The following PCNX2 variants were observed in gnomAD, a reference collection of about 807,000 sequenced individuals.
PCNX2 encodes pecanex-like protein 2.
Under a neutral mutation model 223.8 loss-of-function variants are expected in PCNX2, and 168 were observed. The observed-to-expected ratio is 0.75, with a 90% CI of 0.66 to 0.85. The LOEUF (loss-of-function observed/expected upper bound fraction) is 0.85. Ranked by LOEUF, PCNX2 falls within the 40% of genes least tolerant of loss-of-function variation. The probability of loss-of-function intolerance (pLI) is 0.00; values close to 1 mark genes in which losing one functional copy is unlikely to be tolerated. For missense variants in PCNX2, 2,507 were observed against 2,675.5 expected (o/e 0.94, Z 1.39); for synonymous variants, 1,006 against 1,052.6 (o/e 0.96, Z 0.86).
intron 21 of PCNX2, among the ~76,000 whole-genome samples, chr1:233,099,424 C>G (rs1410382849): frequency 6.6e-6 from 1 of 152,124 alleles, no homozygotes; most frequent in African/African-American, 2.4e-5. Flanking sequence ...ACATCCTTTT[C>G]AGTAAAAAAA....
intron 1 of PCNX2, among the ~76,000 whole-genome samples, chr1:233,263,421 G>A (rs1660163735): frequency 6.7e-6 from 1 of 149,610 alleles, no homozygotes; most frequent in Admixed American, 6.7e-5. Context: ...GAACCCCACA[G>A]AACAAAAGAT....
At chr1:233,303,410 T>C in the PCNX2 span, among the ~76,000 whole-genome samples, 1 of 151,996 alleles carries the variant, frequency 6.6e-6, no homozygotes, top group Admixed American at 6.6e-5. Flanking sequence ...AGCTGCCTGG[T>C]GGGCTGAGGA....
At chr1:233,230,148 G>A (rs1057284947) in intron 9 of PCNX2, among the ~76,000 whole-genome samples, 1 of 152,274 alleles carries the variant, frequency 6.6e-6, no homozygotes, top group South Asian at 2.1e-4. Context: ...CTGGGAATAG[G>A]CAAGCAAACC....
chr1:233,164,791 T>A (rs1178697102), intron 17 of PCNX2, among the ~76,000 whole-genome samples: 2 of 151,796 alleles, frequency 1.3e-5, no homozygotes, highest in Non-Finnish European at 2.9e-5. Context: ...GAAAGACAAA[T>A]ACCACTGAGT....
At chr1:233,257,384 T>C (rs1376233052) in intron 5 of PCNX2, among the ~76,000 whole-genome samples, 2 of 152,200 alleles carry the variant, frequency 1.3e-5, no homozygotes, top group Admixed American at 1.3e-4. Flanking sequence ...AACTGTATAA[T>C]TTATCATCTA....
chr1:233,117,738 C>T (rs1416605178), intron 21 of PCNX2, among the ~76,000 whole-genome samples: 1 of 151,630 alleles, frequency 6.6e-6, no homozygotes, highest in East Asian at 1.9e-4. Flanking sequence ...AGGCCAGGCG[C>T]GGTGGCTCAC....
intron 2 of PCNX2, 102 bp downstream of exon 2, chr1:233,262,852 TTCTG>T: frequency 2.0e-6 from 2 of 1,006,904 alleles, no homozygotes; most frequent in Non-Finnish European, 2.9e-6. Context: ...ATGCATATAT[TTCTG>T]TCTGCCTATA....
Position 233,025,263 on chromosome 1 carries a change from G to A in PCNX2, c.4488C>T (p.Thr1496=). 1 of 1,614,048 alleles carries A rather than the reference G, an allele frequency of 6.2e-7. No individual in the cohort carries two copies. Among genetic ancestry groups the A allele is most frequent in the Non-Finnish European group, 8.5e-7 (1 of 1,179,898 alleles). Residue 1496 remains threonine (T), a synonymous_variant, in exon 26 of 34, where the codon ACC becomes ACT. Coordinates refer to ENST00000258229, the MANE Select transcript of PCNX2 (RefSeq NM_014801.4). The part of the protein sequence containing the change: ...CNAAFHLRWL[T]WEITQTQYIL... ...TGTACTGGGTCTGCGTGATTTCCCA[G>A]GTGAGCCAGCGGAGGTGAAAGGCAG...
At chr1:233,310,837 A>G in the PCNX2 span, among the ~76,000 whole-genome samples, 3 of 152,160 alleles carry the variant, frequency 2.0e-5, no homozygotes, top group Non-Finnish European at 1.5e-5. Flanking sequence ...TGGTGTGTGC[A>G]GGTCACATGG....
At chr1:233,246,685 A>G (rs73111120) in intron 8 of PCNX2, among the ~76,000 whole-genome samples, 9,478 of 152,186 alleles carry the variant, frequency 0.062, 876 homozygotes, top group African/African-American at 0.2. Context: ...GGTAAGGTAC[A>G]AGCTACTTGG....
chr1:233,194,085 A>G (rs1215351660), intron 15 of PCNX2, among the ~76,000 whole-genome samples: 1 of 151,998 alleles, frequency 6.6e-6, no homozygotes, highest in Non-Finnish European at 1.5e-5. Context: ...AAAAAACGCC[A>G]TACACTTAGT....
intron 25 of PCNX2, among the ~76,000 whole-genome samples, chr1:233,046,300 G>C (rs1208289807): frequency 1.3e-5 from 2 of 152,076 alleles, no homozygotes; most frequent in Non-Finnish European, 2.9e-5. Context: ...TGGAAAACAG[G>C]AAACTGAAAA....
chr1:233,154,174 G>A (rs779393194), intron 19 of PCNX2, among the ~76,000 whole-genome samples: 78 of 152,150 alleles, frequency 5.1e-4, no homozygotes, highest in Admixed American at 2.9e-3. Context: ...TGCTTCCTGG[G>A]TTCAAGCGAT....
At chr1:233,317,461 G>A in the PCNX2 span, among the ~76,000 whole-genome samples, 1 of 151,838 alleles carries the variant, frequency 6.6e-6, no homozygotes, top group Non-Finnish European at 1.5e-5. Context: ...AAAAAAAACT[G>A]ATGACAACAA....
At chr1:233,290,601 T>C in intron 1 of PCNX2, 2 of 406,396 alleles carry the variant, frequency 4.9e-6, no homozygotes, top group Non-Finnish European at 6.6e-6. Flanking sequence ...CTGCAGACTG[T>C]CATAGAAATG....
intron 25 of PCNX2, among the ~76,000 whole-genome samples, chr1:233,044,324 G>T (rs1319376594): frequency 1.3e-5 from 2 of 152,132 alleles, no homozygotes; most frequent in African/African-American, 4.8e-5. Flanking sequence ...TGTCAGATGA[G>T]TAGGTTGCAA....
chr1:233,116,065 T>C (rs1374969233), intron 21 of PCNX2, among the ~76,000 whole-genome samples: 1 of 151,264 alleles, frequency 6.6e-6, no homozygotes, highest in Non-Finnish European at 1.5e-5. Context: ...AAAGCATCAA[T>C]CCACCAAGAT....
chr1:233,300,657 C>T (rs1294341), upstream of PCNX2, among the ~76,000 whole-genome samples: 97,214 of 152,058 alleles, frequency 0.64, 31,734 homozygotes, highest in East Asian at 0.72. Flanking sequence ...AGTACATCCC[C>T]CTGTCAATTA....
chr1:233,155,159 T>G (rs1057235625), intron 19 of PCNX2, among the ~76,000 whole-genome samples: 2 of 151,644 alleles, frequency 1.3e-5, no homozygotes, highest in Non-Finnish European at 1.5e-5. Context: ...GGCACTATCA[T>G]AGTGCACTAC....
Sources: allele counts gnomAD v4.1 joint callset (sites outside exome capture counted in the v4.1 genomes callset), GRCh38; gene constraint gnomAD v4.1.1; transcripts MANE v1.5; gene names NCBI Gene and HGNC (gene_info 2026-07-23, HGNC 2026-07-21).